PATJ: variants seen among roughly 807,000 people sequenced by gnomAD.
PATJ encodes PATJ crumbs cell polarity complex component, also known as inaD-like protein.
PATJ carries 190 observed loss-of-function variants against 224.9 expected under a neutral mutation model. The observed-to-expected ratio is 0.84, with a 90% CI of 0.75 to 0.95. The LOEUF (loss-of-function observed/expected upper bound fraction) is 0.95, where lower values mean the gene tolerates loss of function less well. PATJ is among the 40% of genes least tolerant of loss of function. PATJ has a pLI of 0.00. For synonymous variants in PATJ, 769 were observed against 820.3 expected, an observed-to-expected ratio of 0.94 and a Z score of 1.07; for missense variants, 2,121 against 2,270.3, an observed-to-expected ratio of 0.93 and a Z score of 1.34.
chr1:61,969,126 T>A (rs1197934636), intron 27 of PATJ, among the ~76,000 whole-genome samples: 3 of 152,206 alleles, frequency 2.0e-5, no homozygotes, highest in African/African-American at 7.2e-5. Flanking sequence ...TTTCTATTCA[T>A]CTGATGGTTG....
chr1:61,881,243 G>C (rs993375273), intron 21 of PATJ, among the ~76,000 whole-genome samples: 1 of 152,118 alleles, frequency 6.6e-6, no homozygotes, highest in Non-Finnish European at 1.5e-5. Flanking sequence ...TCAGTGCAGA[G>C]TGAAGAATAC....
chr1:61,816,684 G>A (rs756004480), intron 14 of PATJ, among the ~76,000 whole-genome samples: 1 of 152,108 alleles, frequency 6.6e-6, no homozygotes, highest in South Asian at 2.1e-4. Context: ...ACTGCAAAAG[G>A]TGATTTTTTT....
chr1:61,987,280 G>T (rs1336757530), intron 27 of PATJ, among the ~76,000 whole-genome samples: 2 of 152,030 alleles, frequency 1.3e-5, no homozygotes, highest in African/African-American at 4.8e-5. Flanking sequence ...TATGCAGTCT[G>T]TTTCTGTACT....
At chr1:61,782,079 A>C (rs975463722) in intron 7 of PATJ, among the ~76,000 whole-genome samples, 1 of 151,328 alleles carries the variant, frequency 6.6e-6, no homozygotes, top group Non-Finnish European at 1.5e-5. Context: ...GCAGGTGTTC[A>C]GGAGAGACTA....
At chr1:61,863,841 C>T (rs1248912777) in intron 19 of PATJ, among the ~76,000 whole-genome samples, 1 of 152,188 alleles carries the variant, frequency 6.6e-6, no homozygotes, top group Non-Finnish European at 1.5e-5. Flanking sequence ...AAATCCTGAC[C>T]TTTTAAGTCT....
At chr1:62,113,835 G>A (rs1023088408) in intron 34 of PATJ, among the ~76,000 whole-genome samples, 2 of 152,134 alleles carry the variant, frequency 1.3e-5, no homozygotes, top group Non-Finnish European at 2.9e-5. Context: ...GCATTATCAT[G>A]TATCCACCCT....
intron 42 of PATJ, 93 bp downstream of exon 42, chr1:62,148,483 G>A (rs1227576718): frequency 4.7e-6 from 4 of 859,278 alleles, no homozygotes; most frequent in Admixed American, 4.1e-5. Flanking sequence ...AAGGAGAAGT[G>A]GCCAAAGCGC....
intron 7 of PATJ, among the ~76,000 whole-genome samples, chr1:61,777,029 C>T (rs1646955256): frequency 6.6e-6 from 1 of 151,970 alleles, no homozygotes; most frequent in South Asian, 2.1e-4. Context: ...CCAGCCAAAT[C>T]TGCTACTTTT....
intron 27 of PATJ, among the ~76,000 whole-genome samples, chr1:61,928,088 G>A (rs1039778394): frequency 2.0e-5 from 3 of 152,052 alleles, no homozygotes; most frequent in Non-Finnish European, 4.4e-5. Context: ...TTATTGTTTG[G>A]TTGTGAATAC....
rs61653676 is a variant in PATJ at position 62,106,158 on chromosome 1, GTA to G, written c.4378-2251_4378-2250del. Among the ~76,000 whole-genome samples the G allele has an allele frequency of 1.9e-3, 93 of 48,014 alleles. 9 individuals are homozygous for G. Among genetic ancestry groups the G allele is most frequent in the South Asian group, 8.6e-3 (8 of 930 alleles). 31.5% of individuals were successfully genotyped at this position (48,014 alleles called of 152,430 possible). A position where few individuals can be genotyped will look rare whatever the true frequency, so the allele number is the denominator to read the frequency against. On this transcript the variant is annotated intron_variant, in intron 33 of 43. Coordinates refer to ENST00000642238, the MANE Select transcript of PATJ (RefSeq NM_001350145.3). ...TACATGTGTATATGTGTGTGTGTGTGTATATATATATATATATATATATATAT... is the reference window on the plus strand; with the variant it reads ...TACATGTGTATATGTGTGTGTGTGTGTATATATATATATATATATATATAT...
At chr1:61,983,918 G>C (rs950086039) in intron 27 of PATJ, among the ~76,000 whole-genome samples, 2 of 151,676 alleles carry the variant, frequency 1.3e-5, no homozygotes, top group Admixed American at 6.6e-5. Flanking sequence ...TCAACCTCCT[G>C]GGCTCAAGCA....
intron 28 of PATJ, among the ~76,000 whole-genome samples, chr1:62,010,477 T>A (rs1646381314): frequency 1.5e-5 from 2 of 133,008 alleles, no homozygotes; most frequent in South Asian, 5.4e-4. Context: ...ACCAGTCTAC[T>A]CTCTGTCTTC....
At chr1:62,136,477 T>G (rs1666876574) in intron 41 of PATJ, among the ~76,000 whole-genome samples, 1 of 149,210 alleles carries the variant, frequency 6.7e-6, no homozygotes, top group African/African-American at 2.5e-5. Context: ...TGGGCTTTTC[T>G]TGTGTGTGTG....
chr1:62,067,408 T>G (rs1236374099), intron 31 of PATJ, among the ~76,000 whole-genome samples: 1 of 151,946 alleles, frequency 6.6e-6, no homozygotes, highest in African/African-American at 2.4e-5. Context: ...ATTACAGATA[T>G]GAGCCACCAC....
intron 27 of PATJ, among the ~76,000 whole-genome samples, chr1:61,978,460 G>GCT (rs1644270505): frequency 6.6e-6 from 1 of 151,760 alleles, no homozygotes; most frequent in Admixed American, 6.6e-5. Flanking sequence ...AGAGGGGGTT[G>GCT]CTCCGTGTTG....
At chr1:61,880,407 A>G (rs1391114642) in intron 21 of PATJ, among the ~76,000 whole-genome samples, 1 of 152,228 alleles carries the variant, frequency 6.6e-6, no homozygotes, top group Non-Finnish European at 1.5e-5. Context: ...GTATTTTTGT[A>G]GCTTCAGCTT....
At chr1:62,153,530 G>A in intron 43 of PATJ, 49 bp downstream of exon 43, 1 of 1,178,310 alleles carries the variant, frequency 8.5e-7, no homozygotes, top group Non-Finnish European at 1.1e-6. Context: ...AAACCTAGGT[G>A]AGATTTCTTT....
intron 27 of PATJ, among the ~76,000 whole-genome samples, chr1:61,986,871 C>G (rs1399347429): frequency 6.6e-6 from 1 of 151,890 alleles, no homozygotes; most frequent in Non-Finnish European, 1.5e-5. Context: ...TTAGTAGATG[C>G]CCTTATCTTT....
chr1:62,091,525 CT>C (rs1439200378), intron 33 of PATJ, among the ~76,000 whole-genome samples: 1 of 152,156 alleles, frequency 6.6e-6, no homozygotes, highest in Non-Finnish European at 1.5e-5. Flanking sequence ...AAAGTAGATC[CT>C]TAACTTTGTC....
Sources: gnomAD v4.1 joint callset for allele counts (sites outside exome capture counted in the v4.1 genomes callset) on GRCh38, gnomAD v4.1.1 for gene constraint, MANE v1.5 for transcripts, NCBI Gene and HGNC (gene_info 2026-07-23, HGNC 2026-07-21) for gene names.